MROH2B: variants seen among roughly 807,000 people sequenced by gnomAD.
MROH2B encodes the protein maestro heat-like repeat-containing protein family member 2B.
In MROH2B, 177 loss-of-function variants were observed where a neutral mutation model predicts 208.6. That is an observed-to-expected ratio of 0.85 (90% CI 0.75 to 0.96). MROH2B has a LOEUF of 0.96. MROH2B is among the 40% of genes least tolerant of loss of function. The pLI is 0.00. For missense variants in MROH2B, 2,002 were observed against 1,878.7 expected, an observed-to-expected ratio of 1.07 and a Z score of -1.21; for synonymous variants, 728 against 659.0, an observed-to-expected ratio of 1.10 and a Z score of -1.60.
intron 5 of MROH2B, among the ~76,000 whole-genome samples, chr5:41,062,461 T>A (rs571075343): frequency 1.2e-4 from 19 of 152,212 alleles, no homozygotes; most frequent in Admixed American, 3.3e-4. Flanking sequence ...CTCATCAACA[T>A]GGACACTTCT....
intron 21 of MROH2B, chr5:41,034,114 C>T (rs1742675698): frequency 2.1e-6 from 2 of 969,070 alleles, no homozygotes; most frequent in Non-Finnish European, 2.5e-6. Context: ...AGGGTAGAGA[C>T]TTCGAGTCTT....
intron 6 of MROH2B, among the ~76,000 whole-genome samples, chr5:41,060,392 A>G (rs1341834065): frequency 6.6e-6 from 1 of 152,122 alleles, no homozygotes; most frequent in Non-Finnish European, 1.5e-5. Flanking sequence ...AAAAAGTCCA[A>G]ACTTGTATGT....
Position 41,050,822 on chromosome 5 carries a change from A to G in MROH2B, c.1344+155T>C, listed in dbSNP as rs186504315. ...CAACATCTGTTTTTGAGGAACCACTATGTGTTGGACACAGCGTTGCAATAT... is the reference window on the plus strand; with the variant it reads ...CAACATCTGTTTTTGAGGAACCACTGTGTGTTGGACACAGCGTTGCAATAT... On this transcript the variant is annotated intron_variant, in intron 13 of 41. Transcript: ENST00000399564. Among the ~76,000 whole-genome samples the G allele has an allele frequency of 3.9e-5, 6 of 152,338 alleles. No individual in the cohort carries two copies. In the East Asian group the frequency reaches 1.2e-3, roughly 29 times the overall value.
intron 7 of MROH2B, 21 bp from the exon 8 acceptor site, chr5:41,057,381 G>C: frequency 6.5e-7 from 1 of 1,544,998 alleles, no homozygotes; most frequent in East Asian, 2.4e-5. Flanking sequence ...AACTCCCACA[G>C]GTTAGTTGGA....
rs180735750 is a variant in MROH2B, at chr5:41,012,769, A to G, written c.2983-34T>C. 650 of 1,611,282 alleles carry G rather than the reference A, an allele frequency of 4.0e-4. 5 individuals are homozygous for G. In the East Asian group the frequency reaches 0.014, roughly 34 times the overall value. The stretch of plus-strand genomic sequence containing the variant: ...GCACCCAGAAAGATTCGTGTAATCA[A>G]CCACCCCATTTTATATCTAGATACT... On this transcript the variant is annotated intron_variant, in intron 29 of 41. Transcript: ENST00000399564.
intron 29 of MROH2B, 109 bp from the exon 30 acceptor site, chr5:41,012,844 T>C: frequency 7.3e-7 from 1 of 1,367,694 alleles, no homozygotes; most frequent in South Asian, 1.4e-5. Context: ...CACTGAACTT[T>C]TCAACAGTTT....
At position 41,012,872 on chromosome 5, in the gene MROH2B, A is replaced by G; in HGVS notation, c.2983-137T>C. The G allele has an allele frequency of 2.8e-6, 3 of 1,063,918 alleles. No homozygotes were observed. The South Asian group carries it at 4.8e-5, about 17-fold the overall frequency. 65.9% of individuals were successfully genotyped at this position (1,063,918 alleles called of 1,614,324 possible). A position where few individuals can be genotyped will look rare whatever the true frequency, so the allele number is the denominator to read the frequency against. ...AACAGTTTTGATTGAGGCCACAGAA[A>G]CTAGAGAAAATACTAGAACAGGGCA... On this transcript the variant is annotated intron_variant, in intron 29 of 41. Transcript: ENST00000399564.
At chr5:41,056,275 A>T (rs578135617) in intron 9 of MROH2B, among the ~76,000 whole-genome samples, 184 of 152,174 alleles carry the variant, frequency 1.2e-3, no homozygotes, top group African/African-American at 4.2e-3. Context: ...GCAGTTGTTG[A>T]AGCAAGGAGG....
At chr5:41,055,585 G>C (rs1251807639) in intron 10 of MROH2B, among the ~76,000 whole-genome samples, 157 bp downstream of exon 10, 4 of 152,144 alleles carry the variant, frequency 2.6e-5, no homozygotes, top group Non-Finnish European at 4.4e-5. Context: ...CTGTTGAAAG[G>C]AATTGTAGAT....
At chr5:41,012,416 C>T (rs760321556) in intron 30 of MROH2B, among the ~76,000 whole-genome samples, 167 bp downstream of exon 30, 10 of 152,212 alleles carry the variant, frequency 6.6e-5, no homozygotes, top group Non-Finnish European at 1.3e-4. Flanking sequence ...AGGTCCTCAA[C>T]GTGAGCCTTG....
At chr5:41,024,550 C>T (rs1275563151) in intron 24 of MROH2B, among the ~76,000 whole-genome samples, 1 of 152,012 alleles carries the variant, frequency 6.6e-6, no homozygotes, top group Non-Finnish European at 1.5e-5. Context: ...CCTGAGTGAC[C>T]TACAAAGAGA....
intron 37 of MROH2B, among the ~76,000 whole-genome samples, chr5:41,003,109 C>T (rs1741456058): frequency 6.6e-6 from 1 of 151,896 alleles, no homozygotes; most frequent in Admixed American, 6.6e-5. Context: ...TACAGGCGCG[C>T]ACCGCCACAC....
At chr5:41,023,317 C>T (rs776196473) in intron 24 of MROH2B, among the ~76,000 whole-genome samples, 1 of 152,134 alleles carries the variant, frequency 6.6e-6, no homozygotes, top group African/African-American at 2.4e-5. Context: ...GAATGGCTAA[C>T]TAGAATAACC....
In MROH2B at chr5:41,004,470, G is replaced by T. The variant is rs1340837015; in HGVS notation, c.4070C>A (p.Ala1357Asp). ...ESIIRGLYHL[A>D]RTEVVCESLK... ...GCTTTCACAGACGACTTCAGTGCGA[G>T]CTAGGTGATACAGGCCTCTGATGAT... is the stretch of plus-strand genomic sequence containing the variant. Residue 1357 changes from alanine to aspartate, a missense_variant, in exon 37 of 42, where the codon GCT becomes GAT. Transcript: ENST00000399564. 3 of 1,614,002 alleles carry T rather than the reference G, an allele frequency of 1.9e-6. No homozygotes were observed. The highest frequency in any genetic ancestry group is 1.7e-6 in the Non-Finnish European group (2 of 1,179,878).
In MROH2B at chr5:41,033,114, C is replaced by A; in HGVS notation, c.2288G>T (p.Gly763Val). The change falls in exon 23 of 42, where the codon GGC becomes GTC. Residue 763 changes from glycine (G) to valine (V), a missense_variant. Physicochemically the swap from Gly to Val is moderately radical, Grantham distance 109. Transcript: ENST00000399564. ...MSFTRSITEI[G>V]IAVQDAEDQG... The stretch of plus-strand genomic sequence containing the variant: ...ATCCTCAGCATCTTGGACAGCAATG[C>A]CAATCTCAGTGATGCTTCTTGTGAA... 1 of 1,613,018 alleles carries A rather than the reference C, an allele frequency of 6.2e-7. No homozygotes were observed. The highest frequency in any genetic ancestry group is 2.2e-5 in the East Asian group (1 of 44,868).
At chr5:41,052,209 GA>G (rs3073958) in intron 12 of MROH2B, among the ~76,000 whole-genome samples, 32,478 of 137,690 alleles carry the variant, frequency 0.24, 4,123 homozygotes, top group East Asian at 0.38. Context: ...GGTGATTTTA[GA>G]AAAAAAAAAA....
chr5:41,036,989 A>G (rs78216642), intron 21 of MROH2B, among the ~76,000 whole-genome samples: 2,407 of 152,196 alleles, frequency 0.016, 80 homozygotes, highest in East Asian at 0.14. Flanking sequence ...TGTACCCTGA[A>G]AGTGTATAGT....
At chr5:41,024,309 AC>A (rs1323147424) in intron 24 of MROH2B, among the ~76,000 whole-genome samples, 6 of 152,118 alleles carry the variant, frequency 3.9e-5, no homozygotes, top group Non-Finnish European at 8.8e-5. Context: ...GCAGAGACAC[AC>A]ATAGGCTCAA....
chr5:41,014,132 C>T (rs1043574396), intron 29 of MROH2B, among the ~76,000 whole-genome samples: 2 of 152,140 alleles, frequency 1.3e-5, no homozygotes, highest in Admixed American at 6.6e-5. Context: ...AGTGTATTGT[C>T]ATAACGTACT....
Sources: allele counts gnomAD v4.1 joint callset (sites outside exome capture counted in the v4.1 genomes callset), GRCh38; gene constraint gnomAD v4.1.1; transcripts MANE v1.5; gene names NCBI Gene and HGNC (gene_info 2026-07-23, HGNC 2026-07-21).